NEDD9: variants seen among roughly 807,000 people sequenced by gnomAD.
The protein encoded by NEDD9 is enhancer of filamentation 1.
In NEDD9, 26 loss-of-function variants were observed where a neutral mutation model predicts 76.6. The ratio of observed to expected loss-of-function variants is 0.34; its 90% CI spans 0.25 to 0.47. The LOEUF (loss-of-function observed/expected upper bound fraction) is 0.47, where lower values mean the gene tolerates loss of function less well. Ranked by LOEUF, NEDD9 falls within the 20% of genes least tolerant of loss-of-function variation. The pLI is 1.00. For missense variants in NEDD9, 937 were observed against 1,058.5 expected (o/e 0.89, Z 1.59); for synonymous variants, 392 against 414.2 (o/e 0.95, Z 0.65).
intron 3 of NEDD9, among the ~76,000 whole-genome samples, chr6:11,274,335 C>T (rs1413271016): frequency 6.6e-6 from 1 of 152,138 alleles, no homozygotes; most frequent in Admixed American, 6.5e-5. Flanking sequence ...TTCCCTGGAC[C>T]TGGAAGGGGT....
chr6:11,201,076 A>C (rs1183670936), intron 2 of NEDD9: 1 of 1,614,018 alleles, frequency 6.2e-7, no homozygotes, highest in Non-Finnish European at 8.5e-7. Context: ...TGTCAAGACA[A>C]GTTCTGCTCA....
intron 1 of NEDD9, among the ~76,000 whole-genome samples, chr6:11,365,294 A>G (rs1255866239): frequency 1.3e-5 from 2 of 152,226 alleles, no homozygotes; most frequent in African/African-American, 4.8e-5. Context: ...ACTTTCAAAA[A>G]AAAACAGCTC....
chr6:11,341,046 T>C (rs1362186147), intron 1 of NEDD9, among the ~76,000 whole-genome samples: 1 of 152,178 alleles, frequency 6.6e-6, no homozygotes, highest in African/African-American at 2.4e-5. Flanking sequence ...GACGTCCCCC[T>C]GTTTGAAACT....
chr6:11,376,482 G>A (rs1488679708), intron 1 of NEDD9, among the ~76,000 whole-genome samples: 1 of 152,174 alleles, frequency 6.6e-6, no homozygotes, highest in East Asian at 1.9e-4. Context: ...CCCTAACAAA[G>A]AACTTGGTTG....
intron 3 of NEDD9, among the ~76,000 whole-genome samples, chr6:11,243,696 T>C (rs1213444110): frequency 6.6e-6 from 1 of 152,244 alleles, no homozygotes; most frequent in African/African-American, 2.4e-5. Flanking sequence ...TCAGTCTTCT[T>C]TTCAGGAGCC....
intron 1 of NEDD9, among the ~76,000 whole-genome samples, chr6:11,347,834 C>A (rs1328356763): frequency 6.6e-6 from 1 of 152,202 alleles, no homozygotes; most frequent in Non-Finnish European, 1.5e-5. Flanking sequence ...ACAGCCAGCA[C>A]ATCACTGAAT....
At chr6:11,216,064 T>C (rs565852680) in intron 1 of NEDD9, among the ~76,000 whole-genome samples, 16 of 152,246 alleles carry the variant, frequency 1.1e-4, no homozygotes, top group African/African-American at 3.6e-4. Context: ...GTTTCTACAC[T>C]GGCCTGTGAG....
chr6:11,243,781 C>T (rs1250114041), intron 3 of NEDD9, among the ~76,000 whole-genome samples: 2 of 152,190 alleles, frequency 1.3e-5, no homozygotes, highest in African/African-American at 2.4e-5. Flanking sequence ...TCTCCAATGA[C>T]GTCTACTCTG....
Position 11,232,493 on chromosome 6 carries a change from C to T in NEDD9, c.12+11G>A. 6.2e-7 allele frequency: 1 copy of T among 1,614,228 alleles called. No individual in the cohort carries two copies. On this transcript the variant is annotated intron_variant, in intron 1 of 6. Coordinates refer to ENST00000379446, the MANE Select transcript of NEDD9 (RefSeq NM_006403.4). ...AGCTTGCAAGGTAACCTGTAAAAGG[C>T]ACTCTCTTACCTTATACTTCATTTC...
At chr6:11,333,890 C>T (rs1032922305) in intron 2 of NEDD9, among the ~76,000 whole-genome samples, 28 of 152,208 alleles carry the variant, frequency 1.8e-4, no homozygotes, top group African/African-American at 6.8e-4. Context: ...TTCACAGATC[C>T]TTCTGCCACC....
chr6:11,285,368 A>G (rs1760625489), intron 3 of NEDD9, among the ~76,000 whole-genome samples: 1 of 152,214 alleles, frequency 6.6e-6, no homozygotes, highest in African/African-American at 2.4e-5. Context: ...GAGAGATATA[A>G]TGTGTTCATG....
chr6:11,251,112 T>C (rs1449055473), intron 3 of NEDD9, among the ~76,000 whole-genome samples: 1 of 152,212 alleles, frequency 6.6e-6, no homozygotes, highest in Non-Finnish European at 1.5e-5. Flanking sequence ...TGTTGTTGTA[T>C]AAAAACTGGC....
upstream of NEDD9, among the ~76,000 whole-genome samples, chr6:11,236,714 T>C (rs529637322): frequency 6.6e-6 from 1 of 152,330 alleles, no homozygotes; most frequent in East Asian, 1.9e-4. This position sits in a 1 kb window ranked among gnomAD's most constrained non-coding sequence, Gnocchi z 5.5. Flanking sequence ...TTCTTTTTAG[T>C]TTCTTTGCCT....
rs1248262532 is a variant in NEDD9 at position 11,206,334 on chromosome 6, G to A, written c.459+6947C>T. Among the ~76,000 whole-genome samples, 8 of 152,202 alleles carry A rather than the reference G, an allele frequency of 5.3e-5. No individual in the cohort carries two copies. In the South Asian group the frequency reaches 1.0e-3, roughly 20 times the overall value. On this transcript the variant is annotated intron_variant, in intron 2 of 6. Coordinates refer to ENST00000379446, the MANE Select transcript of NEDD9 (RefSeq NM_006403.4). ...CTTGGGAGGCGGAGACAGGAGAATC[G>A]CTTGAACCTGGGAGGCGGAGGTTGC...
chr6:11,371,790 C>T (rs1762880543), intron 1 of NEDD9, among the ~76,000 whole-genome samples: 1 of 152,078 alleles, frequency 6.6e-6, no homozygotes, highest in South Asian at 2.1e-4. Context: ...ATTATTAGCC[C>T]TAGCCTGTGA....
intron 1 of NEDD9, among the ~76,000 whole-genome samples, chr6:11,225,819 T>TTA (rs1759293497): frequency 7.6e-6 from 1 of 131,400 alleles, no homozygotes. Context: ...TTTTTTTTTT[T>TTA]AAAGAATAAC....
chr6:11,202,089 T>A (rs536001954), intron 2 of NEDD9, among the ~76,000 whole-genome samples: 2 of 152,202 alleles, frequency 1.3e-5, no homozygotes, highest in South Asian at 4.1e-4. Flanking sequence ...GCTGTAATGA[T>A]TACAGATTTA....
intron 1 of NEDD9, chr6:11,334,632 A>T (rs1762113326): frequency 6.6e-6 from 1 of 152,250 alleles, no homozygotes; most frequent in South Asian, 2.1e-4. Context: ...TTGATATTGG[A>T]ATACATTCTT....
intron 1 of NEDD9, among the ~76,000 whole-genome samples, chr6:11,364,467 C>T (rs1214585880): frequency 6.6e-6 from 1 of 152,072 alleles, no homozygotes; most frequent in Non-Finnish European, 1.5e-5. Context: ...AGGTGTGTGA[C>T]ATTATAATTA....
Sources: allele counts gnomAD v4.1 joint callset (sites outside exome capture counted in the v4.1 genomes callset), GRCh38; gene constraint gnomAD v4.1.1; non-coding constraint Gnocchi (gnomAD v3.1); transcripts MANE v1.5; gene names NCBI Gene and HGNC (gene_info 2026-07-23, HGNC 2026-07-21).